Variants in CNOT3 observed in about 807,000 individuals in gnomAD.
CNOT3 encodes CCR4-NOT transcription complex subunit 3.
In CNOT3, 2 loss-of-function variants were observed where a neutral mutation model predicts 89.4. The observed-to-expected ratio is 0.02, with a 90% CI of 0.01 to 0.07. The LOEUF (loss-of-function observed/expected upper bound fraction) is 0.07, where lower values mean the gene tolerates loss of function less well. Among genes scored for constraint, CNOT3 ranks in the 10% least tolerant of loss-of-function variants. CNOT3 has a pLI of 1.00. For synonymous variants in CNOT3, 486 were observed against 402.0 expected, an observed-to-expected ratio of 1.21 and a Z score of -2.50; for missense variants, 664 against 1,010.2, an observed-to-expected ratio of 0.66 and a Z score of 4.65.
intron 3 of CNOT3, 30 bp from the exon 4 acceptor site, chr19:54,143,412 A>G: frequency 6.2e-7 from 1 of 1,611,388 alleles, no homozygotes; most frequent in Non-Finnish European, 8.5e-7. Context: ...CCCCTCCCAC[A>G]CTGACTTCTC....
chr19:54,153,617 G>A (rs1410236857), intron 16 of CNOT3, 98 bp from the exon 17 acceptor site: 5 of 899,502 alleles, frequency 5.6e-6, no homozygotes, highest in African/African-American at 1.6e-5. Context: ...GGTCTGTGGC[G>A]GGGGCCGGGG....
intron 13 of CNOT3, among the ~76,000 whole-genome samples, chr19:54,150,822 G>T (rs2146718246): frequency 6.7e-6 from 1 of 149,808 alleles, no homozygotes; most frequent in Admixed American, 6.6e-5. Flanking sequence ...ACAGAGTCTT[G>T]CTCTGTCACC....
rs753546118 is a variant in CNOT3 at position 54,153,871 on chromosome 19, C to T, written c.2163+31C>T. The T allele has an allele frequency of 4.3e-6, 7 of 1,613,900 alleles. No homozygotes were observed. The Admixed American group carries it at 6.7e-5, about 15-fold the overall frequency. On this transcript the variant is annotated intron_variant, in intron 17 of 17. Transcript: ENST00000221232. ...GGCCCCGCCCCCTCTCTTCCCGCTGCTAGGGTTGGGGTAGAGTCCCCAGGC... is the reference window on the plus strand; with the variant it reads ...GGCCCCGCCCCCTCTCTTCCCGCTGTTAGGGTTGGGGTAGAGTCCCCAGGC...
In CNOT3 at chr19:54,142,928, G is replaced by C; in HGVS notation, c.-50-1G>C. 2 of 1,591,484 alleles carry C rather than the reference G, an allele frequency of 1.3e-6. No individual in the cohort carries two copies. On this transcript the variant is annotated splice_acceptor_variant, in intron 1 of 17. Coordinates refer to ENST00000221232, the MANE Select transcript of CNOT3 (RefSeq NM_014516.4). LOFTEE classifies it low-confidence loss of function (5UTR_SPLICE). ...AATTCCTCTCCAATCTCTCCTAGCA[G>C]CGTCCGTCTCCAAGAGAGTATGAAG...
intron 1 of CNOT3, among the ~76,000 whole-genome samples, chr19:54,138,836 C>G (rs942766458): frequency 1.3e-5 from 2 of 152,248 alleles, no homozygotes; most frequent in South Asian, 2.1e-4. Context: ...GGCTTTCCCC[C>G]ACCTGGGGTA....
In CNOT3 at chr19:54,143,668, G is replaced by A. The variant is rs747236773; in HGVS notation, c.177G>A (p.Arg59=). ...KKEIKKLQRL[R]DQIKTWVASN... ...GCTTTTCCCATCTGCAGCGGCTGAGGGACCAAATCAAGACATGGGTAGCGT... is the reference window on the plus strand; with the variant it reads ...GCTTTTCCCATCTGCAGCGGCTGAGAGACCAAATCAAGACATGGGTAGCGT... The change falls in exon 5 of 18, where the codon AGG becomes AGA. Residue 59 remains arginine, a synonymous_variant. Transcript: ENST00000221232. 1 of 1,613,860 alleles carries A rather than the reference G, an allele frequency of 6.2e-7. No individual in the cohort carries two copies. The highest frequency in any genetic ancestry group is 8.5e-7 in the Non-Finnish European group (1 of 1,179,950).
At chr19:54,139,058 CACTA>C (rs1460410341) in intron 1 of CNOT3, among the ~76,000 whole-genome samples, 1 of 152,204 alleles carries the variant, frequency 6.6e-6, no homozygotes, top group Non-Finnish European at 1.5e-5. Context: ...TGGTGAAAGA[CACTA>C]AGCCGCCACG....
Position 54,155,467 on chromosome 19 carries a change from A to AG in CNOT3, c.*63dup, listed in dbSNP as rs2075356754. 1 of 1,152,732 alleles carries AG rather than the reference A, an allele frequency of 8.7e-7. No homozygotes were observed. Among genetic ancestry groups the AG allele is most frequent in the Non-Finnish European group, 1.2e-6 (1 of 804,558 alleles). The allele number at this position is 1,152,732 out of a possible 1,614,324, so 71.4% of individuals were successfully genotyped here. A position where few individuals can be genotyped will look rare whatever the true frequency, so the allele number is the denominator to read the frequency against. ...GCATGCTGATCCCCCTGCCCAGGTG[A>AG]GGGCCCTGCCCTGGAAGACTGGAGG... On this transcript the variant is annotated 3_prime_UTR_variant, in exon 18 of 18. Coordinates refer to ENST00000221232, the MANE Select transcript of CNOT3 (RefSeq NM_014516.4).
At chr19:54,141,673 TC>T (rs2074455043) in intron 1 of CNOT3, 1 of 152,254 alleles carries the variant, frequency 6.6e-6, no homozygotes, top group African/African-American at 2.4e-5. Flanking sequence ...TGGTGTGACT[TC>T]CCTCTGTATT....
At chr19:54,146,851 C>T (rs902340630) in intron 10 of CNOT3, among the ~76,000 whole-genome samples, 194 bp downstream of exon 10, 4 of 152,224 alleles carry the variant, frequency 2.6e-5, no homozygotes, top group African/African-American at 4.8e-5. Context: ...GGGTAGCACA[C>T]AGGTCACCCT....
Position 54,152,912 on chromosome 19 carries a change from C to A in CNOT3, c.1950C>A (p.His650Gln). The change falls in exon 16 of 18, where the codon CAC (histidine) becomes CAA (glutamine). Residue 650 changes from histidine to glutamine, a missense_variant. By Grantham distance (24) the His-to-Gln change is conservative. Coordinates refer to ENST00000221232, the MANE Select transcript of CNOT3 (RefSeq NM_014516.4). The stretch of plus-strand genomic sequence containing the variant: ...CCTGTCCGACGCCCCCCTACCACCA[C>A]CAGATGCCACCCCCACACTCGGACA... ...RNPCPTPPYHHQMPPPHSDTV... is the reference protein window; with the variant it reads ...RNPCPTPPYHQQMPPPHSDTV... The A allele has an allele frequency of 6.3e-7, 1 of 1,595,542 alleles. No individual in the cohort carries two copies. The highest frequency in any genetic ancestry group is 8.6e-7 in the Non-Finnish European group (1 of 1,168,510).
rs774996439 is a variant in CNOT3, at chr19:54,152,980, T to A, written c.2018T>A (p.Phe673Tyr). Residue 673 changes from phenylalanine to tyrosine, a missense_variant, in exon 16 of 18, where the codon TTC (phenylalanine) becomes TAC (tyrosine). Around this residue, in one of 8 missense-constraint regions of CNOT3, gnomAD observed 15 missense variants for 32.7 expected, o/e 0.46. Transcript: ENST00000221232. ...YQRLSTETLF[F>Y]IFYYLEGTKA... ...CGCCTGTCGACCGAGACACTCTTCT[T>A]CATCTTCTACTATCTGGAGGTACAG... The A allele has an allele frequency of 6.2e-7, 1 of 1,608,460 alleles. No homozygotes were observed. Among genetic ancestry groups the A allele is most frequent in the Non-Finnish European group, 8.5e-7 (1 of 1,175,810 alleles).
chr19:54,146,062 C>T lies in CNOT3; in HGVS notation c.837+19C>T. 6.2e-7 allele frequency: 1 copy of T among 1,611,336 alleles called. No homozygotes were observed. The highest frequency in any genetic ancestry group is 1.1e-5 in the South Asian group (1 of 91,028). ...TACCACGGTGAGGCCCCACGGGACA[C>T]TAGTACCTTGTGTTTCCAGCAGGGC... On this transcript the variant is annotated intron_variant, in intron 9 of 17. Coordinates refer to ENST00000221232, the MANE Select transcript of CNOT3 (RefSeq NM_014516.4).
At chr19:54,153,273 C>G in intron 16 of CNOT3, 2 of 762,186 alleles carry the variant, frequency 2.6e-6, no homozygotes, top group Non-Finnish European at 4.8e-6. Flanking sequence ...GGCTCACCCG[C>G]GGCCCCTCCC....
Position 54,145,439 on chromosome 19 carries a change from A to G in CNOT3, c.484-159A>G, listed in dbSNP as rs368569914. On this transcript the variant is annotated intron_variant, in intron 7 of 17. Coordinates refer to ENST00000221232, the MANE Select transcript of CNOT3 (RefSeq NM_014516.4). The surrounding 1 kb of genome is among the most constrained non-coding windows in gnomAD (Gnocchi z 5.9). ...GCTAAGATTGGTCCCCACAGGGCTC[A>G]GAGGGTGGGTGGACCCCATACTGCC... 4.2e-5 allele frequency: 26 copies of G among 616,612 alleles called. No homozygotes were observed. The African/African-American group carries it at 4.2e-4, about 10-fold the overall frequency. The allele number at this position is 616,612 out of a possible 1,614,324, so 38.2% of individuals were successfully genotyped here. A position where few individuals can be genotyped will look rare whatever the true frequency, so the allele number is the denominator to read the frequency against.
At chr19:54,141,701 A>T (rs887649209) in intron 1 of CNOT3, 1 of 152,180 alleles carries the variant, frequency 6.6e-6, no homozygotes, top group East Asian at 1.9e-4. Flanking sequence ...CTTGTTCCTC[A>T]GTATGGGGCT....
chr19:54,155,174 T>A, intron 17 of CNOT3, 135 bp from the exon 18 acceptor site: 1 of 910,086 alleles, frequency 1.1e-6, no homozygotes, highest in Non-Finnish European at 1.7e-6. Flanking sequence ...TGGATGAGAG[T>A]GTGTGCGTGC....
chr19:54,149,574 C>A lies in CNOT3; in HGVS notation c.1421C>A (p.Ala474Glu). The A allele has an allele frequency of 6.3e-7, 1 of 1,592,564 alleles. No homozygotes were observed. The highest frequency in any genetic ancestry group is 8.6e-7 in the Non-Finnish European group (1 of 1,168,024). Reference protein sequence around the residue: ...PPPSTSKEPSAAAPTGAGGVA... With the variant: ...PPPSTSKEPSEAAPTGAGGVA... ...TCTCTCTCCAGGAAGGAACCCAGTGCGGCAGCCCCAACGGGGGCTGGGGGC... is the reference window on the plus strand; with the variant it reads ...TCTCTCTCCAGGAAGGAACCCAGTGAGGCAGCCCCAACGGGGGCTGGGGGC... The change falls in exon 13 of 18, where the codon GCG (alanine) becomes GAG (glutamate). Residue 474 changes from alanine (A) to glutamate (E), a missense_variant. By Grantham distance (107) the Ala-to-Glu change is moderately radical. Coordinates refer to ENST00000221232, the MANE Select transcript of CNOT3 (RefSeq NM_014516.4).
intron 1 of CNOT3, 63 bp from the exon 2 acceptor site, chr19:54,142,866 A>G (rs1162984352): frequency 4.7e-6 from 5 of 1,059,432 alleles, no homozygotes; most frequent in African/African-American, 1.6e-5. Context: ...GACTAGGTCC[A>G]TGTCTCTGGG....
Sources: allele counts gnomAD v4.1 joint callset (sites outside exome capture counted in the v4.1 genomes callset), GRCh38; gene constraint gnomAD v4.1.1; regional missense constraint gnomAD v4.1.1; non-coding constraint Gnocchi (gnomAD v3.1); transcripts MANE v1.5; gene names NCBI Gene and HGNC (gene_info 2026-07-23, HGNC 2026-07-21).